Variants in GCN1 observed in about 807,000 individuals in gnomAD.
GCN1 encodes GCN1 activator of EIF2AK4.
A neutral mutation model predicts 288.4 loss-of-function variants in GCN1; 90 were observed. That is an observed-to-expected ratio of 0.31 (90% CI 0.26 to 0.37). GCN1 has a LOEUF of 0.37. GCN1 is among the 10% of genes least tolerant of loss of function. The probability of loss-of-function intolerance (pLI) is 1.00; values close to 1 mark genes in which losing one functional copy is unlikely to be tolerated. For missense variants in GCN1, 2,586 were observed against 3,419.9 expected, an observed-to-expected ratio of 0.76 and a Z score of 6.08; for synonymous variants, 1,386 against 1,420.2, an observed-to-expected ratio of 0.98 and a Z score of 0.54.
At chr12:120,184,768 T>C in intron 3 of GCN1, 56 bp downstream of exon 3, 1 of 1,293,624 alleles carries the variant, frequency 7.7e-7, no homozygotes. Flanking sequence ...ACCACTACTC[T>C]AAATCCCCTC....
In GCN1 at chr12:120,156,669, G is replaced by C. The variant is rs1343428142; in HGVS notation, c.3169-65C>G. The C allele has an allele frequency of 6.6e-7, 1 of 1,514,600 alleles. No homozygotes were observed. Among genetic ancestry groups the C allele is most frequent in the East Asian group, 2.3e-5 (1 of 44,278 alleles). 93.8% of individuals were successfully genotyped at this position (1,514,600 alleles called of 1,614,324 possible). ...ATTTACTACTAGGGGGCCAGAGAGG[G>C]ATATGCACTGAGAACACCCACCCCT... On this transcript the variant is annotated intron_variant, in intron 27 of 57. Transcript: ENST00000300648. This position sits in a 1 kb window ranked among gnomAD's most constrained non-coding sequence, Gnocchi z 5.8.
rs752474185 is a variant in GCN1 at position 120,184,098 on chromosome 12, C to T, written c.317+14G>A. The T allele has an allele frequency of 1.9e-5, 30 of 1,608,682 alleles. No homozygotes were observed. The highest frequency in any genetic ancestry group is 2.3e-5 in the Non-Finnish European group (27 of 1,176,614). On this transcript the variant is annotated intron_variant, in intron 4 of 57. Coordinates refer to ENST00000300648, the MANE Select transcript of GCN1 (RefSeq NM_006836.2). ...TGTACCAATTCTCAGGGGGCCACAA[C>T]TTTTACCTCTTACCTGGGAACACCT...
Position 120,138,260 on chromosome 12 carries a change from T to G in GCN1, c.6249+63A>C, listed in dbSNP as rs957988280. 7 of 1,117,444 alleles carry G rather than the reference T, an allele frequency of 6.3e-6. No individual in the cohort carries two copies. The African/African-American group carries it at 1.1e-4, about 17-fold the overall frequency. The allele number at this position is 1,117,444 out of a possible 1,614,324, so 69.2% of individuals were successfully genotyped here. A position where few individuals can be genotyped will look rare whatever the true frequency, so the allele number is the denominator to read the frequency against. On this transcript the variant is annotated intron_variant, in intron 47 of 57. Transcript: ENST00000300648. ...ATCTACGTTCAGAACTGGTCTTCACTGCAGGCCCTGGAAATGTCAATGCCC... is the reference window on the plus strand; with the variant it reads ...ATCTACGTTCAGAACTGGTCTTCACGGCAGGCCCTGGAAATGTCAATGCCC...
intron 22 of GCN1, 143 bp from the exon 23 acceptor site, chr12:120,160,398 C>A: frequency 1.6e-6 from 1 of 620,258 alleles, no homozygotes; most frequent in Non-Finnish European, 2.9e-6. Flanking sequence ...ACCATGTGCA[C>A]CCCCAACCTC....
chr12:120,190,889 C>T (rs1396591443), intron 1 of GCN1, among the ~76,000 whole-genome samples: 1 of 152,146 alleles, frequency 6.6e-6, no homozygotes, highest in Non-Finnish European at 1.5e-5. Context: ...ATCCTGGCAA[C>T]TCACTGGCAG....
chr12:120,193,088 C>CA (rs1879058837), intron 1 of GCN1, among the ~76,000 whole-genome samples: 1 of 152,096 alleles, frequency 6.6e-6, no homozygotes. Flanking sequence ...TGCGGTGGCT[C>CA]ACGCCTGTAA....
chr12:120,193,743 T>C (rs1202359868), intron 1 of GCN1, among the ~76,000 whole-genome samples: 1 of 152,246 alleles, frequency 6.6e-6, no homozygotes, highest in Non-Finnish European at 1.5e-5. Context: ...CCTAACCCTC[T>C]CATACTAAGC....
At chr12:120,157,730 G>T in intron 26 of GCN1, 119 bp downstream of exon 26, 1 of 806,832 alleles carries the variant, frequency 1.2e-6, no homozygotes, top group Non-Finnish European at 1.9e-6. Context: ...GCTGCTGTTG[G>T]TATAAACATA....
At chr12:120,189,985 G>T (rs1454408411) in intron 2 of GCN1, among the ~76,000 whole-genome samples, 1 of 151,088 alleles carries the variant, frequency 6.6e-6, no homozygotes, top group African/African-American at 2.4e-5. Context: ...GTCTCAAAAA[G>T]AAGAAAAAAA....
At chr12:120,181,618 T>C (rs185550971) in intron 5 of GCN1, among the ~76,000 whole-genome samples, 2 of 151,314 alleles carry the variant, frequency 1.3e-5, no homozygotes, top group Admixed American at 1.3e-4. Context: ...GGCGGGCGGA[T>C]CACCTGAGGT....
At chr12:120,187,214 T>C (rs1319651912) in intron 2 of GCN1, among the ~76,000 whole-genome samples, 1 of 138,656 alleles carries the variant, frequency 7.2e-6, no homozygotes, top group Non-Finnish European at 1.6e-5. Context: ...CATGATTTTC[T>C]TTTTTTTTTT....
chr12:120,158,333 A>T lies in GCN1; in HGVS notation c.2905+127T>A, dbSNP rs1412005461. ...GCAATTCACAGACTACGAAGGTTCA[A>T]TTCAGAAATCCTCCATATGGTCCAA... On this transcript the variant is annotated intron_variant, in intron 25 of 57. Transcript: ENST00000300648. The surrounding 1 kb of genome is among the most constrained non-coding windows in gnomAD (Gnocchi z 4.3). 2 of 829,528 alleles carry T rather than the reference A, an allele frequency of 2.4e-6. No homozygotes were observed. Among genetic ancestry groups the T allele is most frequent in the Non-Finnish European group, 3.7e-6 (2 of 544,184 alleles). The allele number at this position is 829,528 out of a possible 1,614,324, so 51.4% of individuals were successfully genotyped here.
At chr12:120,186,938 G>A (rs544702689) in intron 2 of GCN1, among the ~76,000 whole-genome samples, 1 of 152,300 alleles carries the variant, frequency 6.6e-6, no homozygotes, top group Non-Finnish European at 1.5e-5. Flanking sequence ...GCCTGTGACT[G>A]GAAAGATCGG....
At chr12:120,166,328 C>T (rs868626823) in intron 16 of GCN1, among the ~76,000 whole-genome samples, 13 of 146,800 alleles carry the variant, frequency 8.9e-5, no homozygotes, top group Admixed American at 2.1e-4. Context: ...TGCTTGAACC[C>T]GGGAGGTGGA....
chr12:120,131,431 T>G, intron 54 of GCN1, 98 bp from the exon 55 acceptor site: 1 of 1,196,766 alleles, frequency 8.4e-7, no homozygotes, highest in Non-Finnish European at 1.2e-6. Context: ...ACCAGTGTGC[T>G]GACCCAGAGC....
chr12:120,150,802 T>TGGC (rs1288938437), intron 34 of GCN1, among the ~76,000 whole-genome samples: 1 of 151,722 alleles, frequency 6.6e-6, no homozygotes, highest in African/African-American at 2.4e-5. Flanking sequence ...CCGGGCGTGG[T>TGGC]GGCGGGCGCC....
chr12:120,145,279 A>G lies in GCN1; in HGVS notation c.4999T>C (p.Leu1667=), dbSNP rs1877328957. Reference sequence around the variant, plus strand: ...AGACTCACCTCAGGCACAGGGTCCAAAAGCGATGCTTTCAGGCCAGGCGTC... The same window carrying G: ...AGACTCACCTCAGGCACAGGGTCCAGAAGCGATGCTTTCAGGCCAGGCGTC... The part of the protein sequence containing the change: ...SVTPGLKASL[L]DPVPEVRTVS... The change falls in exon 39 of 58, where the codon TTG becomes CTG. Residue 1667 remains leucine, a synonymous_variant. Transcript: ENST00000300648. 1 of 1,602,492 alleles carries G rather than the reference A, an allele frequency of 6.2e-7. No individual in the cohort carries two copies. Among genetic ancestry groups the G allele is most frequent in the Non-Finnish European group, 8.5e-7 (1 of 1,174,194 alleles).
At position 120,142,373 on chromosome 12, in the gene GCN1, CT is replaced by C. The variant is rs1566300698; in HGVS notation, c.5829+133del. ...TAATCAAAAAATATTTGCAGAATGA[CT>C]AAGTAAAGAACACAATGTCCCTCTG... On this transcript the variant is annotated intron_variant, in intron 44 of 57. Transcript: ENST00000300648. The surrounding 1 kb of genome is among the most constrained non-coding windows in gnomAD (Gnocchi z 4.9). 1.6e-6 allele frequency: 1 copy of C among 636,588 alleles called. No individual in the cohort carries two copies. Among genetic ancestry groups the C allele is most frequent in the African/African-American group, 1.8e-5 (1 of 54,426 alleles). 39.4% of individuals were successfully genotyped at this position (636,588 alleles called of 1,614,324 possible). A position where few individuals can be genotyped will look rare whatever the true frequency, so the allele number is the denominator to read the frequency against.
chr12:120,189,519 C>A (rs1044719549), intron 2 of GCN1, among the ~76,000 whole-genome samples: 1 of 149,454 alleles, frequency 6.7e-6, no homozygotes, highest in African/African-American at 2.4e-5. Context: ...CACACCACCA[C>A]ACCTGGCTAA....
Sources: gnomAD v4.1 joint callset for allele counts (sites outside exome capture counted in the v4.1 genomes callset) on GRCh38, gnomAD v4.1.1 for gene constraint, Gnocchi (gnomAD v3.1) non-coding constraint, MANE v1.5 for transcripts, NCBI Gene and HGNC (gene_info 2026-07-23, HGNC 2026-07-21) for gene names.